TEAD1: variants seen among roughly 807,000 people sequenced by gnomAD.
The protein encoded by TEAD1 is TEA domain transcription factor 1.
TEAD1 carries 9 observed loss-of-function variants against 54.9 expected under a neutral mutation model. The ratio of observed to expected loss-of-function variants is 0.16; its 90% CI spans 0.10 to 0.29. TEAD1 has a LOEUF of 0.29. TEAD1 is among the 10% of genes least tolerant of loss of function. The pLI, the probability that TEAD1 is intolerant of heterozygous loss-of-function variation, is 1.00. For synonymous variants in TEAD1, 200 were observed against 187.8 expected, an observed-to-expected ratio of 1.07 and a Z score of -0.53; for missense variants, 387 against 535.9, an observed-to-expected ratio of 0.72 and a Z score of 2.74.
chr11:12,721,055 A>G (rs555556545), intron 2 of TEAD1, among the ~76,000 whole-genome samples: 12 of 152,240 alleles, frequency 7.9e-5, no homozygotes, highest in Non-Finnish European at 5.9e-5. Flanking sequence ...ATGTTTGACT[A>G]CCCTGTGTTT....
At chr11:12,780,207 A>C (rs1221809594) in intron 3 of TEAD1, among the ~76,000 whole-genome samples, 2 of 152,180 alleles carry the variant, frequency 1.3e-5, no homozygotes, top group Non-Finnish European at 2.9e-5. Context: ...TCTGGATACA[A>C]GATAAATACA....
chr11:12,919,390 C>T (rs1050956815), intron 10 of TEAD1, among the ~76,000 whole-genome samples: 2 of 152,112 alleles, frequency 1.3e-5, no homozygotes, highest in Non-Finnish European at 2.9e-5. Context: ...ATGGCAAAAC[C>T]ATCTAAAAAA....
chr11:12,912,596 C>A (rs533167549), intron 10 of TEAD1, among the ~76,000 whole-genome samples: 14 of 152,202 alleles, frequency 9.2e-5, no homozygotes, highest in African/African-American at 3.4e-4. Flanking sequence ...CAGGGGCATT[C>A]ACTTCAAAAG....
At chr11:12,936,471 G>C (rs1489243374) in intron 12 of TEAD1, among the ~76,000 whole-genome samples, 2 of 152,188 alleles carry the variant, frequency 1.3e-5, no homozygotes, top group Non-Finnish European at 2.9e-5. Context: ...TAGTGGTGAG[G>C]GAGGCACTCC....
intron 9 of TEAD1, among the ~76,000 whole-genome samples, chr11:12,892,336 A>G (rs556216944): frequency 5.3e-5 from 8 of 152,236 alleles, no homozygotes; most frequent in African/African-American, 1.9e-4. Context: ...GGTTGGAGAC[A>G]CAAGATAAAA....
At chr11:12,788,418 C>A (rs1226294049) in intron 3 of TEAD1, among the ~76,000 whole-genome samples, 1 of 152,118 alleles carries the variant, frequency 6.6e-6, no homozygotes, top group Non-Finnish European at 1.5e-5. Context: ...AGGCATGAGC[C>A]ACCGTGCCTG....
chr11:12,876,301 A>G (rs1010884034), intron 5 of TEAD1, among the ~76,000 whole-genome samples: 2 of 152,206 alleles, frequency 1.3e-5, no homozygotes, highest in Admixed American at 1.3e-4. Flanking sequence ...TGAAGATTTC[A>G]AATGATTTTT....
At chr11:12,796,107 G>A (rs1945913945) in intron 3 of TEAD1, among the ~76,000 whole-genome samples, 1 of 152,108 alleles carries the variant, frequency 6.6e-6, no homozygotes, top group Admixed American at 6.5e-5. Flanking sequence ...GGGGGCTAGT[G>A]TACGGAATTT....
At chr11:12,686,641 G>C (rs925029557) in intron 2 of TEAD1, among the ~76,000 whole-genome samples, 5 of 152,096 alleles carry the variant, frequency 3.3e-5, no homozygotes, top group Admixed American at 6.6e-5. Flanking sequence ...TGGCACTCTT[G>C]ACATTCTTAG....
intron 3 of TEAD1, among the ~76,000 whole-genome samples, chr11:12,770,083 A>G (rs1229604761): frequency 6.6e-6 from 1 of 152,198 alleles, no homozygotes; most frequent in Non-Finnish European, 1.5e-5. Flanking sequence ...GAGATAGAAA[A>G]GATTTCTGCA....
rs190847317 is a variant in TEAD1 at position 12,721,399 on chromosome 11, G to T, written c.-54-42780G>T. 2.9e-3 allele frequency among the ~76,000 whole-genome samples: 447 copies of T among 152,298 alleles called. 2 individuals carry two copies. The highest frequency in any genetic ancestry group is 4.5e-3 in the Non-Finnish European group (308 of 68,018). ...TGAGGGCACAGTATCTCCAGTCCCT[G>T]TTCTAGCAGCTGGGGTTACTTTGTG... On this transcript the variant is annotated intron_variant, in intron 2 of 12. Coordinates refer to ENST00000527636, the MANE Select transcript of TEAD1 (RefSeq NM_021961.6).
At chr11:12,898,763 C>T (rs1052265609) in intron 9 of TEAD1, among the ~76,000 whole-genome samples, 2 of 152,148 alleles carry the variant, frequency 1.3e-5, no homozygotes, top group Non-Finnish European at 2.9e-5. Context: ...CTTTAATATT[C>T]ACATATGTTG....
At chr11:12,879,056 T>G (rs1947913214) in intron 5 of TEAD1, among the ~76,000 whole-genome samples, 1 of 152,192 alleles carries the variant, frequency 6.6e-6, no homozygotes, top group Non-Finnish European at 1.5e-5. Context: ...GCTCCTGGCT[T>G]CAGTACGAAC....
chr11:12,712,008 A>G (rs1943948422), intron 2 of TEAD1, among the ~76,000 whole-genome samples: 1 of 152,088 alleles, frequency 6.6e-6, no homozygotes, highest in Admixed American at 6.5e-5. Context: ...TTCTTCATGA[A>G]AGCTCCTCAG....
intron 3 of TEAD1, among the ~76,000 whole-genome samples, chr11:12,777,280 T>C (rs1047269650): frequency 1.3e-5 from 2 of 152,188 alleles, no homozygotes; most frequent in East Asian, 1.9e-4. Flanking sequence ...CCCCAAAGTT[T>C]TACAGCTTCT....
chr11:12,692,451 A>G (rs1943478877), intron 2 of TEAD1, among the ~76,000 whole-genome samples: 1 of 152,220 alleles, frequency 6.6e-6, no homozygotes, highest in Non-Finnish European at 1.5e-5. Flanking sequence ...GAAGTTAACC[A>G]GCATCCTGGC....
At chr11:12,801,458 G>A (rs1460324327) in intron 3 of TEAD1, among the ~76,000 whole-genome samples, 1 of 152,202 alleles carries the variant, frequency 6.6e-6, no homozygotes, top group Admixed American at 6.5e-5. Context: ...ATTAATTGCT[G>A]TGGTCTGTTG....
intron 2 of TEAD1, among the ~76,000 whole-genome samples, chr11:12,727,894 C>CTT (rs921926565): frequency 6.7e-6 from 1 of 148,678 alleles, no homozygotes; most frequent in Non-Finnish European, 1.5e-5. Flanking sequence ...ATATCCATAT[C>CTT]TTTTTTTTTT....
chr11:12,917,017 CCCCAGACA>C (rs1297463810), intron 10 of TEAD1, among the ~76,000 whole-genome samples: 2 of 152,262 alleles, frequency 1.3e-5, no homozygotes, highest in African/African-American at 4.8e-5. Flanking sequence ...CATCATGGAT[CCCCAGACA>C]TGCCTCCTCT....
Sources: allele counts gnomAD v4.1 joint callset (sites outside exome capture counted in the v4.1 genomes callset), GRCh38; gene constraint gnomAD v4.1.1; transcripts MANE v1.5; gene names NCBI Gene and HGNC (gene_info 2026-07-23, HGNC 2026-07-21).